The following NIPBL variants were observed in gnomAD, a reference collection of about 807,000 sequenced individuals.
NIPBL encodes the protein nipped-B-like protein.
NIPBL carries 19 observed loss-of-function variants against 321.8 expected under a neutral mutation model. That is an observed-to-expected ratio of 0.06 (90% CI 0.04 to 0.09). NIPBL has a LOEUF of 0.09. Ranked by LOEUF, NIPBL falls within the 10% of genes least tolerant of loss-of-function variation. The pLI is 1.00. For missense variants in NIPBL, 2,210 were observed against 3,327.0 expected (o/e 0.66, Z 8.26); for synonymous variants, 1,106 against 1,114.1 (o/e 0.99, Z 0.14).
intron 24 of NIPBL, among the ~76,000 whole-genome samples, chr5:37,017,943 A>AT (rs947548635): frequency 5.3e-5 from 8 of 151,232 alleles, no homozygotes; most frequent in African/African-American, 1.2e-4. Context: ...CTGTATATGC[A>AT]TTTTTTTTTA....
intron 1 of NIPBL, among the ~76,000 whole-genome samples, chr5:36,940,681 T>A (rs75845461): frequency 6.6e-6 from 1 of 152,206 alleles, no homozygotes; most frequent in East Asian, 1.9e-4. Flanking sequence ...GCTAGGACTC[T>A]GGAATGTTAA....
chr5:36,920,149 AAAAAG>A (rs1748819320), intron 1 of NIPBL, among the ~76,000 whole-genome samples: 1 of 152,322 alleles, frequency 6.6e-6, no homozygotes, highest in East Asian at 1.9e-4. Flanking sequence ...ATGGGATTAA[AAAAAG>A]AAAAGGCTTC....
chr5:36,963,996 A>C lies in NIPBL; in HGVS notation c.610+1722A>C, dbSNP rs192011816. Among the ~76,000 whole-genome samples the C allele has an allele frequency of 6.7e-4, 102 of 152,274 alleles. 1 individual carries two copies. Among genetic ancestry groups the C allele is most frequent in the African/African-American group, 2.5e-3 (102 of 41,544 alleles). On this transcript the variant is annotated intron_variant, in intron 6 of 46. Coordinates refer to ENST00000282516, the MANE Select transcript of NIPBL (RefSeq NM_133433.4). ...ATGAATGTGTGTAAAACAGAATGTAAATTTTATCTCTAAGAAATGTGATGT... is the reference window on the plus strand; with the variant it reads ...ATGAATGTGTGTAAAACAGAATGTACATTTTATCTCTAAGAAATGTGATGT...
intron 1 of NIPBL, among the ~76,000 whole-genome samples, chr5:36,896,168 A>G (rs928636710): frequency 1.3e-5 from 2 of 152,210 alleles, no homozygotes; most frequent in Non-Finnish European, 2.9e-5. Context: ...ATTTTCCATT[A>G]CCATTTGTTG....
intron 1 of NIPBL, among the ~76,000 whole-genome samples, chr5:36,938,007 G>A (rs193184426): frequency 1.1e-4 from 17 of 152,164 alleles, no homozygotes; most frequent in Admixed American, 7.2e-4. Context: ...TAATAGCACC[G>A]GTTGTTTGCC....
rs139667794 is a variant in NIPBL, at chr5:36,925,556, G to A, written c.-79-28062G>A. On this transcript the variant is annotated intron_variant, in intron 1 of 46. Coordinates refer to ENST00000282516, the MANE Select transcript of NIPBL (RefSeq NM_133433.4). The stretch of plus-strand genomic sequence containing the variant: ...TCTGGTATTAAAGGCATGAGCCACC[G>A]CGCCCAGCCAGTTCATTAATTTTTA... Among the ~76,000 whole-genome samples, 29 of 152,208 alleles carry A rather than the reference G, an allele frequency of 1.9e-4. No homozygotes were observed. In the East Asian group the frequency reaches 4.4e-3, roughly 23 times the overall value.
In NIPBL at chr5:37,061,016, G is replaced by A; in HGVS notation, c.7858G>A (p.Asp2620Asn). The change falls in exon 45 of 47, where the codon GAT (aspartate) becomes AAT (asparagine). Residue 2620 changes from aspartate (D) to asparagine (N), a missense_variant and splice_region_variant. By Grantham distance (23) the Asp-to-Asn change is conservative (BLOSUM62 1). Coordinates refer to ENST00000282516, the MANE Select transcript of NIPBL (RefSeq NM_133433.4). Reference sequence around the variant, plus strand: ...AAGGAGTATAGTAAAACAGTATCTAGATGTGAGTAGTAAAACCAAAAGTTT... The same window carrying A: ...AAGGAGTATAGTAAAACAGTATCTAAATGTGAGTAGTAAAACCAAAAGTTT... ...VKRSIVKQYL[D>N]FKLLMEHLDP... 6.2e-7 allele frequency: 1 copy of A among 1,613,892 alleles called. No homozygotes were observed. The highest frequency in any genetic ancestry group is 8.5e-7 in the Non-Finnish European group (1 of 1,179,872).
intron 1 of NIPBL, among the ~76,000 whole-genome samples, chr5:36,934,354 T>C (rs751703781): frequency 1.3e-5 from 2 of 152,124 alleles, no homozygotes; most frequent in Non-Finnish European, 2.9e-5. Context: ...ATGCTGACTT[T>C]GTGTGCATCT....
chr5:36,950,047 G>A (rs571872220), intron 1 of NIPBL, among the ~76,000 whole-genome samples: 7 of 151,846 alleles, frequency 4.6e-5, no homozygotes, highest in South Asian at 2.1e-4. Flanking sequence ...TATTTTGTTC[G>A]ATTTAGTTCT....
chr5:36,968,103 A>C (rs1264117630), intron 6 of NIPBL, among the ~76,000 whole-genome samples: 3 of 149,582 alleles, frequency 2.0e-5, no homozygotes, highest in East Asian at 1.9e-4. Context: ...CTCAAAAAAA[A>C]AAAAAAAACA....
At chr5:36,966,880 G>A (rs904842412) in intron 6 of NIPBL, among the ~76,000 whole-genome samples, 25 of 152,014 alleles carry the variant, frequency 1.6e-4, no homozygotes, top group African/African-American at 4.6e-4. Flanking sequence ...TAAGAAAAAC[G>A]TGGGCGAATT....
intron 9 of NIPBL, chr5:36,982,180 G>A (rs1302609637): frequency 1.0e-6 from 1 of 967,344 alleles, no homozygotes; most frequent in African/African-American, 1.8e-5. Flanking sequence ...TATGTATTCT[G>A]ATAGCTAATC....
Position 36,884,823 on chromosome 5 carries a change from G to A in NIPBL, c.-80+7645G>A, listed in dbSNP as rs536634293. Among the ~76,000 whole-genome samples the A allele has an allele frequency of 2.3e-3, 346 of 152,226 alleles. 2 individuals are homozygous for A. Among genetic ancestry groups the A allele is most frequent in the Middle Eastern group, 6.8e-3 (2 of 294 alleles). On this transcript the variant is annotated intron_variant, in intron 1 of 46. Transcript: ENST00000282516. ...CTTAGGTAGAGCTGTGTCCTTGAGGGCTTCTTGCTTTGGGGGTAGGAATAT... is the reference window on the plus strand; with the variant it reads ...CTTAGGTAGAGCTGTGTCCTTGAGGACTTCTTGCTTTGGGGGTAGGAATAT...
At chr5:36,911,594 A>T (rs1748055963) in intron 1 of NIPBL, among the ~76,000 whole-genome samples, 1 of 152,158 alleles carries the variant, frequency 6.6e-6, no homozygotes. Flanking sequence ...TATACTAGAA[A>T]CTCTTCCTAG....
intron 1 of NIPBL, among the ~76,000 whole-genome samples, chr5:36,895,848 C>T (rs1045765648): frequency 3.3e-5 from 5 of 152,174 alleles, no homozygotes; most frequent in African/African-American, 1.2e-4. Context: ...TAGACATATT[C>T]TAGATACAAG....
chr5:37,054,471 A>T (rs1753894913), intron 42 of NIPBL, among the ~76,000 whole-genome samples: 1 of 152,198 alleles, frequency 6.6e-6, no homozygotes, highest in Admixed American at 6.5e-5. Context: ...GGGATAGGAT[A>T]CAAAATTAAT....
At chr5:36,965,023 A>G (rs1379926614) in intron 6 of NIPBL, among the ~76,000 whole-genome samples, 1 of 152,186 alleles carries the variant, frequency 6.6e-6, no homozygotes, top group Non-Finnish European at 1.5e-5. Context: ...AAAGACAGGT[A>G]ATAGTGAATA....
At chr5:37,025,735 C>T (rs1750189326) in intron 30 of NIPBL, among the ~76,000 whole-genome samples, 1 of 152,010 alleles carries the variant, frequency 6.6e-6, no homozygotes, top group Non-Finnish European at 1.5e-5. Flanking sequence ...CTGATTTGAT[C>T]ATTATACATT....
intron 38 of NIPBL, among the ~76,000 whole-genome samples, chr5:37,046,739 G>GTT (rs1320644023): frequency 2.0e-5 from 3 of 151,982 alleles, no homozygotes; most frequent in African/African-American, 7.2e-5. Context: ...ATAAAAACAT[G>GTT]TTTTGCAATT....
Sources: gnomAD v4.1 joint callset for allele counts (sites outside exome capture counted in the v4.1 genomes callset) on GRCh38, gnomAD v4.1.1 for gene constraint, MANE v1.5 for transcripts, NCBI Gene and HGNC (gene_info 2026-07-23, HGNC 2026-07-21) for gene names.